Variants in PYROXD1 observed in about 807,000 individuals in gnomAD.
PYROXD1 encodes the protein tRNA ligase complex-associated NAD(P)H dehydrogenase PYROXD1.
A neutral mutation model predicts 62.0 loss-of-function variants in PYROXD1; 42 were observed. The observed-to-expected ratio is 0.68, with a 90% CI of 0.53 to 0.88. The LOEUF (loss-of-function observed/expected upper bound fraction) is 0.88, where lower values mean the gene tolerates loss of function less well. Ranked by LOEUF, PYROXD1 falls within the 40% of genes least tolerant of loss-of-function variation. The pLI, the probability that PYROXD1 is intolerant of heterozygous loss-of-function variation, is 0.00. For synonymous variants in PYROXD1, 170 were observed against 206.4 expected, an observed-to-expected ratio of 0.82 and a Z score of 1.51; for missense variants, 493 against 604.8, an observed-to-expected ratio of 0.82 and a Z score of 1.94.
In PYROXD1 at chr12:21,462,960, T is replaced by G. The variant is rs73067231; in HGVS notation, c.1116+98T>G. 22,362 of 1,237,714 alleles carry G rather than the reference T, an allele frequency of 0.018. 274 individuals are homozygous for G. Among genetic ancestry groups the G allele is most frequent in the Middle Eastern group, 0.054 (282 of 5,182 alleles). The allele number at this position is 1,237,714 out of a possible 1,614,324, so 76.7% of individuals were successfully genotyped here. A position where few individuals can be genotyped will look rare whatever the true frequency, so the allele number is the denominator to read the frequency against. On this transcript the variant is annotated intron_variant, in intron 10 of 11. Coordinates refer to ENST00000240651, the MANE Select transcript of PYROXD1 (RefSeq NM_024854.5). ...ATCCAACTTCTGGTTTTCCAACTTT[T>G]CTGCTTAAGTAGGAAGCTAGCACAG...
At chr12:21,448,052 G>T in intron 3 of PYROXD1, 1 of 526,572 alleles carries the variant, frequency 1.9e-6, no homozygotes, top group Non-Finnish European at 3.6e-6. Context: ...TGACCTCATT[G>T]GTTTCATTCT....
intron 5 of PYROXD1, among the ~76,000 whole-genome samples, chr12:21,452,543 A>C (rs10841816): frequency 0.49 from 74,657 of 151,488 alleles, 18,389 homozygotes; most frequent in Middle Eastern, 0.59. Flanking sequence ...TTATATGATA[A>C]ATCCTGCTAC....
intron 3 of PYROXD1, chr12:21,448,286 G>A (rs1942429945): frequency 5.6e-6 from 2 of 355,846 alleles, no homozygotes; most frequent in Non-Finnish European, 1.1e-5. Context: ...GTGAGGCGAG[G>A]ACGCAGAGTG....
In PYROXD1 at chr12:21,470,899, C is replaced by T; in HGVS notation, c.*2145C>T. 1 of 1,172,192 alleles carries T rather than the reference C, an allele frequency of 8.5e-7. No homozygotes were observed. Among genetic ancestry groups the T allele is most frequent in the Non-Finnish European group, 1.1e-6 (1 of 902,200 alleles). The allele number at this position is 1,172,192 out of a possible 1,614,324, so 72.6% of individuals were successfully genotyped here. A position where few individuals can be genotyped will look rare whatever the true frequency, so the allele number is the denominator to read the frequency against. On this transcript the variant is annotated 3_prime_UTR_variant, in exon 12 of 12. Transcript: ENST00000240651. ...TTCAACTGGACCTAGGGGAATATGA[C>T]AGAAAAGCATCCCATAGGCTTTAAT...
chr12:21,443,541 T>C (rs1197230783), intron 2 of PYROXD1, among the ~76,000 whole-genome samples: 1 of 152,142 alleles, frequency 6.6e-6, no homozygotes. Flanking sequence ...AGCTCAACTG[T>C]TAAAAAGTTT....
chr12:21,464,917 G>T (rs1005199417), intron 10 of PYROXD1, among the ~76,000 whole-genome samples: 4 of 152,126 alleles, frequency 2.6e-5, no homozygotes, highest in African/African-American at 9.7e-5. Context: ...AGAACATGTG[G>T]TGTTTGGTTT....
chr12:21,445,515 G>A (rs1565544972), intron 3 of PYROXD1, 49 bp downstream of exon 3: 7 of 1,517,284 alleles, frequency 4.6e-6, no homozygotes, highest in Non-Finnish European at 6.2e-6. Context: ...GAATCTTGAT[G>A]AAGTTTTGCC....
chr12:21,461,980 CTG>C (rs1942705759), intron 8 of PYROXD1, 26 bp from the exon 9 acceptor site: 1 of 1,407,900 alleles, frequency 7.1e-7, no homozygotes, highest in Non-Finnish European at 1.0e-6. Context: ...CAAATAAAGT[CTG>C]TTTTTTTGGT....
intron 8 of PYROXD1, 86 bp from the exon 9 acceptor site, chr12:21,461,922 T>G: frequency 1.5e-6 from 1 of 665,210 alleles, no homozygotes; most frequent in East Asian, 2.7e-5. Flanking sequence ...CTTTCTTTGT[T>G]TCTAGTCATT....
At chr12:21,438,052 T>C (rs879479794) in intron 1 of PYROXD1, 1 of 570,144 alleles carries the variant, frequency 1.8e-6, no homozygotes, top group Non-Finnish European at 3.1e-6. Flanking sequence ...AAACCAAAGC[T>C]GGCTGATCCG....
intron 2 of PYROXD1, among the ~76,000 whole-genome samples, chr12:21,442,133 A>T (rs73071781): frequency 0.02 from 3,051 of 152,204 alleles, 36 homozygotes; most frequent in Middle Eastern, 0.051. Flanking sequence ...GGCTTAGGGG[A>T]TCCCTGTTGG....
intron 7 of PYROXD1, among the ~76,000 whole-genome samples, chr12:21,456,455 T>A (rs1942599141): frequency 6.6e-6 from 1 of 152,192 alleles, no homozygotes; most frequent in Non-Finnish European, 1.5e-5. Context: ...CCTGCAAAAG[T>A]TATGTTTATA....
At chr12:21,447,230 TA>T (rs1942406748) in intron 3 of PYROXD1, among the ~76,000 whole-genome samples, 1 of 152,142 alleles carries the variant, frequency 6.6e-6, no homozygotes, top group African/African-American at 2.4e-5. Flanking sequence ...CCTTTAGGGA[TA>T]AAACACATAT....
At chr12:21,455,344 A>G (rs777522259) in intron 6 of PYROXD1, 52 bp downstream of exon 6, 19 of 1,194,908 alleles carry the variant, frequency 1.6e-5, no homozygotes, top group African/African-American at 1.6e-4. Context: ...TTTTAAAACC[A>G]TATAGAAAAG....
chr12:21,451,641 G>A (rs1336954095), intron 4 of PYROXD1, among the ~76,000 whole-genome samples: 2 of 151,970 alleles, frequency 1.3e-5, no homozygotes, highest in East Asian at 3.9e-4. Context: ...GCTAGAGCCA[G>A]TGCTTCCAGA....
rs2058464 is a variant in PYROXD1 at position 21,437,687 on chromosome 12, T to C, written c.-44T>C. On this transcript the variant is annotated 5_prime_UTR_variant, in exon 1 of 12. Coordinates refer to ENST00000240651, the MANE Select transcript of PYROXD1 (RefSeq NM_024854.5). Reference sequence around the variant, plus strand: ...TCCTCTCCTGGAGTCCAGAGTCCCGTTGCTCCGCCGCGATATTCAGTAAAC... The same window carrying C: ...TCCTCTCCTGGAGTCCAGAGTCCCGCTGCTCCGCCGCGATATTCAGTAAAC... 771,555 of 1,573,474 alleles carry C rather than the reference T, an allele frequency of 0.49. 189,865 individuals are homozygous for C. Among genetic ancestry groups the C allele is most frequent in the East Asian group, 0.56 (24,429 of 43,690 alleles).
At chr12:21,463,906 A>G (rs1481758500) in intron 10 of PYROXD1, among the ~76,000 whole-genome samples, 1 of 152,126 alleles carries the variant, frequency 6.6e-6, no homozygotes, top group East Asian at 1.9e-4. Flanking sequence ...GGCAACATTT[A>G]TCTTTGTTAA....
intron 7 of PYROXD1, among the ~76,000 whole-genome samples, chr12:21,457,373 C>A (rs1942616897): frequency 1.3e-5 from 2 of 151,798 alleles, no homozygotes; most frequent in Admixed American, 1.3e-4. Context: ...TTGTGCATCT[C>A]TGTCTGAGTT....
Position 21,462,003 on chromosome 12 carries a change from TAAAG to T in PYROXD1, c.881-3_881del. Reference sequence around the variant, plus strand: ...GTCTGTTTTTTTGGTTTTTTTTTCTTAAAGAGATGTGGCCTGTCTATGTGGAATT... The same window carrying T: ...GTCTGTTTTTTTGGTTTTTTTTTCTTAGATGTGGCCTGTCTATGTGGAATT... On this transcript the variant is annotated splice_acceptor_variant and splice_polypyrimidine_tract_variant and intron_variant, in intron 8 of 11. Coordinates refer to ENST00000240651, the MANE Select transcript of PYROXD1 (RefSeq NM_024854.5). LOFTEE classifies it high-confidence loss of function. The T allele has an allele frequency of 6.3e-7, 1 of 1,595,326 alleles. No homozygotes were observed. Among genetic ancestry groups the T allele is most frequent in the Non-Finnish European group, 8.6e-7 (1 of 1,168,474 alleles).
Sources: allele counts gnomAD v4.1 joint callset (sites outside exome capture counted in the v4.1 genomes callset), GRCh38; gene constraint gnomAD v4.1.1; transcripts MANE v1.5; gene names NCBI Gene and HGNC (gene_info 2026-07-23, HGNC 2026-07-21).